Variants in NLGN4X observed in about 807,000 individuals in gnomAD.
The protein encoded by NLGN4X is neuroligin 4 X-linked.
A neutral mutation model predicts 40.3 loss-of-function variants in NLGN4X; 3 were observed. The ratio of observed to expected loss-of-function variants is 0.07; its 90% confidence interval spans 0.03 to 0.19. NLGN4X has a LOEUF of 0.19. Ranked by LOEUF, NLGN4X falls within the 10% of genes least tolerant of loss-of-function variation. The pLI is 1.00. For missense variants in NLGN4X, 382 were observed against 708.3 expected, an observed-to-expected ratio of 0.54 and a Z score of 5.23; for synonymous variants, 270 against 306.8, an observed-to-expected ratio of 0.88 and a Z score of 1.25.
chrX:6,159,286 A>C (rs2040337276), intron 1 of NLGN4X, among the ~76,000 whole-genome samples: 1 of 111,776 alleles, frequency 8.9e-6, no homozygotes, highest in African/African-American at 3.2e-5. Flanking sequence ...CTGATATATA[A>C]AAACAGTGGG....
At chrX:6,146,620 A>G (rs1043697003) in intron 2 of NLGN4X, among the ~76,000 whole-genome samples, 7 of 110,371 alleles carry the variant, frequency 6.3e-5, no homozygotes, top group Admixed American at 9.7e-5. Flanking sequence ...ATCTTGGGGG[A>G]AAAAGATGAT....
chrX:5,923,756 C>A (rs1265633399), intron 3 of NLGN4X, among the ~76,000 whole-genome samples: 1 of 111,623 alleles, frequency 9.0e-6, no homozygotes, highest in Non-Finnish European at 1.9e-5. Flanking sequence ...GGGACACAAC[C>A]AAACCATGTC....
chrX:5,914,074 T>C (rs2032648756), intron 3 of NLGN4X, among the ~76,000 whole-genome samples: 2 of 112,102 alleles, frequency 1.8e-5, no homozygotes, highest in South Asian at 7.4e-4. Context: ...AGGTATGTCT[T>C]TATTAGCAGC....
intron 1 of NLGN4X, among the ~76,000 whole-genome samples, chrX:6,168,476 T>C (rs772201336): frequency 8.9e-6 from 1 of 112,296 alleles, no homozygotes; most frequent in Non-Finnish European, 1.9e-5. Context: ...CATACTGAAT[T>C]TGTGGGAGGA....
intron 1 of NLGN4X, among the ~76,000 whole-genome samples, chrX:6,183,818 G>GTTGT (rs1458075131): frequency 3.6e-5 from 4 of 112,043 alleles, no homozygotes; most frequent in African/African-American, 1.3e-4. Flanking sequence ...ATTTCAGAGT[G>GTTGT]TTGTTCTAAG....
At chrX:5,969,525 C>T (rs1212410332) in intron 3 of NLGN4X, among the ~76,000 whole-genome samples, 1 of 111,356 alleles carries the variant, frequency 9.0e-6, no homozygotes, top group Non-Finnish European at 1.9e-5. Context: ...CAGGAAACAA[C>T]GGGTGCTGGA....
intron 3 of NLGN4X, among the ~76,000 whole-genome samples, chrX:5,923,527 T>C (rs1346442164): frequency 5.3e-5 from 6 of 112,388 alleles, no homozygotes; most frequent in Non-Finnish European, 1.1e-4. Context: ...TCCACGTGCC[T>C]GGGGAGGCCT....
intron 1 of NLGN4X, among the ~76,000 whole-genome samples, chrX:6,206,584 T>A (rs1924056095): frequency 9.0e-6 from 1 of 111,683 alleles, no homozygotes; most frequent in Non-Finnish European, 1.9e-5. Flanking sequence ...ATGTTGGCCA[T>A]GCTCCCTCTG....
intron 1 of NLGN4X, among the ~76,000 whole-genome samples, chrX:6,179,078 G>A (rs939731811): frequency 6.7e-5 from 7 of 104,291 alleles, no homozygotes; most frequent in Non-Finnish European, 1.4e-4. Context: ...CAGCCTGAGC[G>A]ACAAAGCAAG....
chrX:5,954,352 T>G (rs1223711615), intron 3 of NLGN4X, among the ~76,000 whole-genome samples: 1 of 106,421 alleles, frequency 9.4e-6, no homozygotes, highest in African/African-American at 3.4e-5. Flanking sequence ...GCCTCTCAAG[T>G]AGCTGGGACT....
At chrX:6,042,685 TTATA>T (rs749649054) in intron 2 of NLGN4X, among the ~76,000 whole-genome samples, 452 of 28,387 alleles carry the variant, frequency 0.016, 13 homozygotes, top group African/African-American at 0.037. Flanking sequence ...CATAGAGGTT[TTATA>T]TATATATATA....
intron 3 of NLGN4X, among the ~76,000 whole-genome samples, chrX:6,025,901 T>C (rs1480102846): frequency 1.7e-5 from 1 of 57,966 alleles, no homozygotes; most frequent in Non-Finnish European, 3.3e-5. Flanking sequence ...CGAGACTCCA[T>C]CTCAAAAAAA....
At chrX:6,011,162 T>C (rs1030400626) in intron 3 of NLGN4X, among the ~76,000 whole-genome samples, 8 of 110,409 alleles carry the variant, frequency 7.2e-5, no homozygotes, top group African/African-American at 2.6e-4. Flanking sequence ...CAAGAGACTT[T>C]CCTAAATATG....
intron 3 of NLGN4X, among the ~76,000 whole-genome samples, chrX:6,007,638 T>C (rs2036137357): frequency 8.9e-6 from 1 of 112,152 alleles, no homozygotes; most frequent in African/African-American, 3.2e-5. Flanking sequence ...ATATAGCATG[T>C]AGCTGTCAGC....
chrX:6,223,248 G>C (rs1472109509), intron 1 of NLGN4X, among the ~76,000 whole-genome samples: 3 of 110,446 alleles, frequency 2.7e-5, no homozygotes, highest in South Asian at 4.0e-4. Context: ...GGGAAGATGA[G>C]AGTGCCTTGG....
intron 2 of NLGN4X, among the ~76,000 whole-genome samples, chrX:6,127,017 T>C (rs1027591498): frequency 2.2e-5 from 2 of 92,297 alleles, no homozygotes; most frequent in African/African-American, 4.0e-5. Context: ...TCAAGACTTT[T>C]CCTCATCTCC....
chrX:6,080,694 A>C (rs1200467509), intron 2 of NLGN4X, among the ~76,000 whole-genome samples: 1 of 112,003 alleles, frequency 8.9e-6, no homozygotes, highest in Non-Finnish European at 1.9e-5. Context: ...AAAATCTTCA[A>C]GGGCAAAGTG....
chrX:5,963,708 C>T (rs2034735392), intron 3 of NLGN4X, among the ~76,000 whole-genome samples: 2 of 111,845 alleles, frequency 1.8e-5, no homozygotes, highest in African/African-American at 6.5e-5. Flanking sequence ...ACTTGCATGT[C>T]GATTATCAAT....
intron 3 of NLGN4X, among the ~76,000 whole-genome samples, chrX:6,005,290 G>A (rs780533526): frequency 1.2e-4 from 13 of 111,756 alleles, no homozygotes; most frequent in Non-Finnish European, 2.3e-4. Context: ...TCCAAAAAAT[G>A]GACCAACGAA....
Sources: gnomAD v4.1 joint callset for allele counts (sites outside exome capture counted in the v4.1 genomes callset) on GRCh38, gnomAD v4.1.1 for gene constraint, MANE v1.5 for transcripts, NCBI Gene and HGNC (gene_info 2026-07-23, HGNC 2026-07-21) for gene names.